Variants in STK38L observed in about 807,000 individuals in gnomAD.
STK38L encodes serine/threonine kinase 38 like, also known as serine/threonine-protein kinase 38-like.
In STK38L, 28 loss-of-function variants were observed where a neutral mutation model predicts 59.7. The observed-to-expected ratio is 0.47, with a 90% CI of 0.35 to 0.64. The LOEUF is 0.64. Ranked by LOEUF, STK38L falls within the 30% of genes least tolerant of loss-of-function variation. STK38L has a pLI of 0.01. For synonymous variants in STK38L, 162 were observed against 176.8 expected, an observed-to-expected ratio of 0.92 and a Z score of 0.66; for missense variants, 314 against 555.8, an observed-to-expected ratio of 0.56 and a Z score of 4.37.
intron 3 of STK38L, among the ~76,000 whole-genome samples, chr12:27,304,388 T>G (rs1057302033): frequency 4.4e-4 from 67 of 152,250 alleles, no homozygotes; most frequent in African/African-American, 1.6e-3. Context: ...TCCTTATAGT[T>G]GCAATGTTTA....
chr12:27,314,562 C>G lies in STK38L; in HGVS notation c.576C>G (p.Phe192Leu), dbSNP rs1272772856. ...KDTLTEEETQ[F>L]YISETVLAID... Reference sequence around the variant, plus strand: ...CCTTGACAGAAGAGGAAACACAGTTCTACATTTCAGAGACTGTTCTGGCAA... The same window carrying G: ...CCTTGACAGAAGAGGAAACACAGTTGTACATTTCAGAGACTGTTCTGGCAA... Residue 192 changes from phenylalanine to leucine, a missense_variant, in exon 7 of 14, where the codon TTC (phenylalanine) becomes TTG (leucine). Physicochemically the swap from Phe to Leu is conservative, Grantham distance 22. Transcript: ENST00000389032. The G allele has an allele frequency of 6.2e-7, 1 of 1,606,976 alleles. No homozygotes were observed. The highest frequency in any genetic ancestry group is 8.5e-7 in the Non-Finnish European group (1 of 1,176,652).
At chr12:27,267,029 T>G (rs1019475537) in intron 1 of STK38L, among the ~76,000 whole-genome samples, 34 of 152,244 alleles carry the variant, frequency 2.2e-4, no homozygotes, top group African/African-American at 7.7e-4. Context: ...AAATTTTAGT[T>G]TGACTCAATT....
At chr12:27,282,170 T>TA (rs1943674383) in intron 1 of STK38L, among the ~76,000 whole-genome samples, 1 of 152,242 alleles carries the variant, frequency 6.6e-6, no homozygotes, top group African/African-American at 2.4e-5. Flanking sequence ...TGTTTCTACT[T>TA]ACATTCTCAA....
At chr12:27,259,066 T>G (rs977153718) in intron 1 of STK38L, among the ~76,000 whole-genome samples, 13 of 152,218 alleles carry the variant, frequency 8.5e-5, no homozygotes, top group Admixed American at 5.2e-4. Flanking sequence ...AGAAATAAAG[T>G]TACTTGGCAA....
At position 27,322,168 on chromosome 12, in the gene STK38L, G is replaced by GA; in HGVS notation, c.1204dup (p.Ile402AsnfsTer5). 6.2e-7 allele frequency: 1 copy of GA among 1,613,780 alleles called. No homozygotes were observed. The highest frequency in any genetic ancestry group is 8.5e-7 in the Non-Finnish European group (1 of 1,179,870). On this transcript the variant is annotated frameshift_variant, in exon 13 of 14. Transcript: ENST00000389032. LOFTEE classifies it high-confidence loss of function. ...GGAAAGGCCAGCAGCAATCCCTATA[G>GA]AAATCAAAAGCATTGATGATACTTC... is the stretch of plus-strand genomic sequence containing the variant.
chr12:27,309,090 T>A, intron 4 of STK38L, 24 bp from the exon 5 acceptor site: 1 of 1,534,278 alleles, frequency 6.5e-7, no homozygotes. Flanking sequence ...GACTGTTTTA[T>A]AATATATGTT....
At chr12:27,264,665 A>C (rs1943267117) in intron 1 of STK38L, among the ~76,000 whole-genome samples, 1 of 152,222 alleles carries the variant, frequency 6.6e-6, no homozygotes, top group Non-Finnish European at 1.5e-5. Context: ...CATTTACATC[A>C]TATTAAGTAT....
At chr12:27,304,198 G>T (rs1352426653) in intron 3 of STK38L, among the ~76,000 whole-genome samples, 1 of 148,072 alleles carries the variant, frequency 6.8e-6, no homozygotes, top group African/African-American at 2.5e-5. Context: ...GGCAGAGGCT[G>T]CAGTGAGCTG....
At chr12:27,299,234 G>A (rs990692298) in intron 2 of STK38L, among the ~76,000 whole-genome samples, 1 of 152,148 alleles carries the variant, frequency 6.6e-6, no homozygotes, top group Non-Finnish European at 1.5e-5. Flanking sequence ...AATTTTGGAC[G>A]GATTTAACTG....
At chr12:27,274,108 C>T (rs1012465621) in intron 1 of STK38L, among the ~76,000 whole-genome samples, 3 of 151,940 alleles carry the variant, frequency 2.0e-5, no homozygotes, top group Non-Finnish European at 4.4e-5. Flanking sequence ...CAAAAATTAG[C>T]TGGGCGTAGT....
Position 27,309,968 on chromosome 12 carries a change from G to A in STK38L, c.393+771G>A, listed in dbSNP as rs573921440. Among the ~76,000 whole-genome samples, 52 of 152,326 alleles carry A rather than the reference G, an allele frequency of 3.4e-4. No homozygotes were observed. The South Asian group carries it at 0.01, about 30-fold the overall frequency. On this transcript the variant is annotated intron_variant, in intron 5 of 13. Coordinates refer to ENST00000389032, the MANE Select transcript of STK38L (RefSeq NM_015000.4). Reference sequence around the variant, plus strand: ...ATGCAGTTACAAGGGGTGGCTTCGAGTAAAGGAGGGATGGCTTTTTGAATA... The same window carrying A: ...ATGCAGTTACAAGGGGTGGCTTCGAATAAAGGAGGGATGGCTTTTTGAATA...
At chr12:27,279,450 C>T (rs1016727233) in intron 1 of STK38L, among the ~76,000 whole-genome samples, 3 of 152,060 alleles carry the variant, frequency 2.0e-5, no homozygotes, top group Non-Finnish European at 2.9e-5. Context: ...GCAGGCTGGG[C>T]TTGGTGGCTC....
chr12:27,308,035 T>C lies in STK38L; in HGVS notation c.187-304T>C, dbSNP rs1463191959. Among the ~76,000 whole-genome samples, 1 of 152,090 alleles carries C rather than the reference T, an allele frequency of 6.6e-6. No homozygotes were observed. Among genetic ancestry groups the C allele is most frequent in the African/African-American group, 2.4e-5 (1 of 41,432 alleles). Reference sequence around the variant, plus strand: ...TCAGTATCAGAATACCATTAACATTTACTAACATTTAATTTTTATTTATGG... The same window carrying C: ...TCAGTATCAGAATACCATTAACATTCACTAACATTTAATTTTTATTTATGG... On this transcript the variant is annotated intron_variant, in intron 3 of 13. Transcript: ENST00000389032. This position sits in a 1 kb window ranked among gnomAD's most constrained non-coding sequence, Gnocchi z 4.5.
chr12:27,286,839 A>G (rs1342939227), intron 1 of STK38L, among the ~76,000 whole-genome samples: 5 of 152,218 alleles, frequency 3.3e-5, no homozygotes, highest in Non-Finnish European at 5.9e-5. Flanking sequence ...GGACCTCACT[A>G]AGGGGGTGTT....
Position 27,312,684 on chromosome 12 carries a change from C to T in STK38L, c.517+12C>T, listed in dbSNP as rs1555142711. ...ATTTCTCCCTGGAGGTAAAAGCAAACATTGTATCAATGACAGACTGATACA... is the reference window on the plus strand; with the variant it reads ...ATTTCTCCCTGGAGGTAAAAGCAAATATTGTATCAATGACAGACTGATACA... On this transcript the variant is annotated intron_variant, in intron 6 of 13. Coordinates refer to ENST00000389032, the MANE Select transcript of STK38L (RefSeq NM_015000.4). 1.2e-6 allele frequency: 2 copies of T among 1,613,442 alleles called. No homozygotes were observed. Among genetic ancestry groups the T allele is most frequent in the South Asian group, 2.2e-5 (2 of 90,934 alleles).
At chr12:27,245,604 G>C (rs904943373) in intron 1 of STK38L, 1 of 152,042 alleles carries the variant, frequency 6.6e-6, no homozygotes, top group Non-Finnish European at 1.5e-5. Context: ...CTGTGCCTCA[G>C]GATATGTAAA....
In STK38L at chr12:27,278,869, CA is replaced by C. The variant is rs1249987561; in HGVS notation, c.-11-18837del. 2.6e-5 allele frequency among the ~76,000 whole-genome samples: 4 copies of C among 152,244 alleles called. No individual in the cohort carries two copies. In the East Asian group the frequency reaches 7.7e-4, roughly 29 times the overall value. On this transcript the variant is annotated intron_variant, in intron 1 of 13. Transcript: ENST00000389032. Reference sequence around the variant, plus strand: ...GTTTAAATCATGCTTTTCCTCTTCTCAAAAGATGATAGGGACCAAATCAAAA... The same window carrying C: ...GTTTAAATCATGCTTTTCCTCTTCTCAAAGATGATAGGGACCAAATCAAAA...
chr12:27,302,852 CA>C lies in STK38L; in HGVS notation c.186+675del, dbSNP rs549995687. Among the ~76,000 whole-genome samples the C allele has an allele frequency of 1.2e-3, 169 of 143,598 alleles. 1 individual carries two copies. Among genetic ancestry groups the C allele is most frequent in the South Asian group, 1.5e-3 (7 of 4,528 alleles). The allele number at this position is 143,598 out of a possible 152,430, so 94.2% of individuals were successfully genotyped here. On this transcript the variant is annotated intron_variant, in intron 3 of 13. Transcript: ENST00000389032. ...TGAAACCCCGTCACTGCTAAAAATA[CA>C]AAAAAAAAAATTAGCCAGGAGCGGT...
intron 3 of STK38L, among the ~76,000 whole-genome samples, chr12:27,307,527 T>C (rs757914323): frequency 1.3e-5 from 2 of 152,232 alleles, no homozygotes; most frequent in Non-Finnish European, 2.9e-5. Context: ...AGGATTCAGT[T>C]GAAGATGAAC....
Sources: allele counts gnomAD v4.1 joint callset (sites outside exome capture counted in the v4.1 genomes callset), GRCh38; gene constraint gnomAD v4.1.1; non-coding constraint Gnocchi (gnomAD v3.1); transcripts MANE v1.5; gene names NCBI Gene and HGNC (gene_info 2026-07-23, HGNC 2026-07-21).